The following CEP112 variants were observed in gnomAD, a reference collection of about 807,000 sequenced individuals.
CEP112 encodes the protein centrosomal protein 112.
A neutral mutation model predicts 153.0 loss-of-function variants in CEP112; 127 were observed. That is an observed-to-expected ratio of 0.83 (90% CI 0.72 to 0.96). The LOEUF (loss-of-function observed/expected upper bound fraction) is 0.96. Ranked by LOEUF, CEP112 falls within the 40% of genes least tolerant of loss-of-function variation. CEP112 has a pLI of 0.00. For synonymous variants in CEP112, 358 were observed against 374.4 expected (o/e 0.96, Z 0.51); for missense variants, 1,089 against 1,101.2 (o/e 0.99, Z 0.16).
intron 21 of CEP112, among the ~76,000 whole-genome samples, chr17:65,772,107 G>A (rs1351619851): frequency 6.6e-6 from 1 of 152,108 alleles, no homozygotes; most frequent in Non-Finnish European, 1.5e-5. Context: ...AGCTAAATCA[G>A]TACTTAGAGG....
rs2057945330 is a variant in CEP112 at position 65,851,884 on chromosome 17, T to TA, written c.2313dup (p.Lys772Ter). On this transcript the variant is annotated frameshift_variant, in exon 21 of 27. Transcript: ENST00000535342. LOFTEE classifies it high-confidence loss of function. The stretch of plus-strand genomic sequence containing the variant: ...ATCTTTTCTGATTCAGCCTTCAGTT[T>TA]ATTGACGACAATCTCATGTTCCCTT... The TA allele has an allele frequency of 6.2e-7, 1 of 1,614,116 alleles. No individual in the cohort carries two copies. Among genetic ancestry groups the TA allele is most frequent in the Non-Finnish European group, 8.5e-7 (1 of 1,180,040 alleles).
At chr17:65,895,250 A>C (rs2059618835) in intron 20 of CEP112, among the ~76,000 whole-genome samples, 1 of 152,098 alleles carries the variant, frequency 6.6e-6, no homozygotes, top group Admixed American at 6.6e-5. Flanking sequence ...TGTCATCCTC[A>C]TAAGGTATTA....
At chr17:65,800,733 C>T (rs998266902) in intron 21 of CEP112, among the ~76,000 whole-genome samples, 2 of 152,128 alleles carry the variant, frequency 1.3e-5, no homozygotes, top group African/African-American at 2.4e-5. Flanking sequence ...TTGTAAAATA[C>T]GAAGATTCCA....
Position 65,961,587 on chromosome 17 carries a change from T to C in CEP112, c.1748A>G (p.Glu583Gly), listed in dbSNP as rs1352655985. 4 of 1,611,050 alleles carry C rather than the reference T, an allele frequency of 2.5e-6. No individual in the cohort carries two copies. Among genetic ancestry groups the C allele is most frequent in the Non-Finnish European group, 3.4e-6 (4 of 1,177,772 alleles). The change falls in exon 18 of 27, where the codon GAG (glutamate) becomes GGG (glycine). Residue 583 changes from glutamate (E) to glycine (G), a missense_variant. Transcript: ENST00000535342. ...AACTTCAGTCACACGAGTTAGCTGCTCCTCTTTTTCCCTAGAAAGGTTCAG... is the reference window on the plus strand; with the variant it reads ...AACTTCAGTCACACGAGTTAGCTGCCCCTCTTTTTCCCTAGAAAGGTTCAG... ...KFEEALKEKE[E>G]QLTRVTEVQR... is the part of the protein sequence containing the mutation.
intron 25 of CEP112, among the ~76,000 whole-genome samples, chr17:65,640,540 G>T (rs2045075259): frequency 6.6e-6 from 1 of 152,134 alleles, no homozygotes; most frequent in Non-Finnish European, 1.5e-5. Flanking sequence ...AATACATCTT[G>T]TTATCTCTAA....
At chr17:66,134,913 G>T (rs1301014447) in intron 4 of CEP112, among the ~76,000 whole-genome samples, 1 of 152,038 alleles carries the variant, frequency 6.6e-6, no homozygotes, top group Non-Finnish European at 1.5e-5. Flanking sequence ...AGCTTTCTTT[G>T]CCCATCCCAT....
intron 8 of CEP112, among the ~76,000 whole-genome samples, chr17:66,083,485 T>C (rs963060854): frequency 6.6e-6 from 1 of 152,236 alleles, no homozygotes; most frequent in African/African-American, 2.4e-5. Context: ...CAATTAATTA[T>C]CTCCAGACTT....
chr17:65,889,490 T>C (rs1035086036), intron 20 of CEP112, among the ~76,000 whole-genome samples: 10 of 152,188 alleles, frequency 6.6e-5, no homozygotes, highest in African/African-American at 1.7e-4. Context: ...TACCACTTTC[T>C]CATGGTTCCC....
At chr17:65,925,027 G>A (rs2060871242) in intron 19 of CEP112, among the ~76,000 whole-genome samples, 2 of 152,072 alleles carry the variant, frequency 1.3e-5, no homozygotes, top group South Asian at 4.1e-4. Context: ...CAATAGCAAG[G>A]CTGGTGATAT....
intron 12 of CEP112, among the ~76,000 whole-genome samples, chr17:66,032,660 C>T (rs186596173): frequency 2.8e-4 from 43 of 152,296 alleles, no homozygotes; most frequent in African/African-American, 9.9e-4. Context: ...ACATCATCCA[C>T]AGCCTTTATT....
At chr17:65,894,346 T>G (rs1294155220) in intron 20 of CEP112, among the ~76,000 whole-genome samples, 2 of 152,082 alleles carry the variant, frequency 1.3e-5, no homozygotes, top group Non-Finnish European at 1.5e-5. Context: ...ACATAAATTG[T>G]TTTTGAGGAG....
chr17:65,939,100 G>C (rs11079602), intron 18 of CEP112, among the ~76,000 whole-genome samples: 72,795 of 151,902 alleles, frequency 0.48, 18,436 homozygotes, highest in East Asian at 0.89. Context: ...ATGTGAGCTA[G>C]CACTCCCAGC....
intron 21 of CEP112, among the ~76,000 whole-genome samples, chr17:65,815,274 A>G (rs548394023): frequency 1.3e-5 from 2 of 152,254 alleles, no homozygotes; most frequent in East Asian, 3.9e-4. Flanking sequence ...ATTTGTGGAA[A>G]GACTATCCTT....
At chr17:66,005,905 T>G (rs1186211778) in intron 16 of CEP112, 136 bp from the exon 17 acceptor site, 1 of 747,080 alleles carries the variant, frequency 1.3e-6, no homozygotes. Context: ...AGATAGAAAC[T>G]TGGTCTACCA....
At chr17:65,841,925 C>T (rs1013729559) in intron 21 of CEP112, among the ~76,000 whole-genome samples, 3 of 151,316 alleles carry the variant, frequency 2.0e-5, no homozygotes, top group Non-Finnish European at 4.4e-5. Context: ...CACACACACA[C>T]GAGACTTAGG....
chr17:66,177,357 G>A (rs1162651293), intron 2 of CEP112, among the ~76,000 whole-genome samples: 1 of 152,084 alleles, frequency 6.6e-6, no homozygotes, highest in Non-Finnish European at 1.5e-5. Context: ...TTAGGTAATT[G>A]GTAAATGAGA....
chr17:65,973,840 T>C lies in CEP112; in HGVS notation c.1737-12242A>G, dbSNP rs187934439. ...TTTTGAATTGGTAGTTTCATGAGTA[T>C]GTACATAGTTCAAAATATATGAAAC... On this transcript the variant is annotated intron_variant, in intron 17 of 26. Transcript: ENST00000535342. 8.7e-4 allele frequency among the ~76,000 whole-genome samples: 132 copies of C among 152,310 alleles called. 3 individuals carry two copies. The South Asian group carries it at 8.9e-3, about 10-fold the overall frequency.
intron 23 of CEP112, among the ~76,000 whole-genome samples, chr17:65,702,277 T>G (rs1382872628): frequency 6.6e-6 from 1 of 152,202 alleles, no homozygotes; most frequent in Non-Finnish European, 1.5e-5. Flanking sequence ...GCATGTAGGA[T>G]GTGTTAAGAT....
At chr17:66,078,033 A>G (rs1430590786) in intron 8 of CEP112, among the ~76,000 whole-genome samples, 1 of 152,080 alleles carries the variant, frequency 6.6e-6, no homozygotes, top group African/African-American at 2.4e-5. Flanking sequence ...ATCCATCTTC[A>G]TTGATTTTCA....
Sources: allele counts gnomAD v4.1 joint callset (sites outside exome capture counted in the v4.1 genomes callset), GRCh38; gene constraint gnomAD v4.1.1; transcripts MANE v1.5; gene names NCBI Gene and HGNC (gene_info 2026-07-23, HGNC 2026-07-21).